Variants in CLIC4 observed in about 807,000 individuals in gnomAD.
The protein encoded by CLIC4 is chloride intracellular channel protein 4.
Under a neutral mutation model 24.6 loss-of-function variants are expected in CLIC4, and 13 were observed. The ratio of observed to expected loss-of-function variants is 0.53; its 90% CI spans 0.34 to 0.84. The LOEUF is 0.84. Among genes scored for constraint, CLIC4 ranks in the 40% least tolerant of loss-of-function variants. The pLI, the probability that CLIC4 is intolerant of heterozygous loss-of-function variation, is 0.01. For synonymous variants in CLIC4, 104 were observed against 111.3 expected, an observed-to-expected ratio of 0.93 and a Z score of 0.41; for missense variants, 227 against 301.7, an observed-to-expected ratio of 0.75 and a Z score of 1.83.
At chr1:24,773,691 G>C (rs922991943) in intron 1 of CLIC4, among the ~76,000 whole-genome samples, 1 of 148,940 alleles carries the variant, frequency 6.7e-6, no homozygotes, top group Non-Finnish European at 1.5e-5. Flanking sequence ...TGACCTCCTG[G>C]GCTCAAGTGA....
rs1639971116 is a variant in CLIC4 at position 24,844,301 on chromosome 1, AAAC to A, written c.*3371_*3373del. 6.6e-6 allele frequency: 1 copy of A among 152,630 alleles called. No homozygotes were observed. The allele number at this position is 152,630 out of a possible 1,614,324, so 9.5% of individuals were successfully genotyped here. ...TTCTTTTTTCCCCCCTCATGAAAAT[AAAC>A]AACAACTTGGGGTAAAAGTGTTTGA... On this transcript the variant is annotated 3_prime_UTR_variant, in exon 6 of 6. Transcript: ENST00000374379.
At chr1:24,780,650 T>C (rs1639191827) in intron 1 of CLIC4, among the ~76,000 whole-genome samples, 1 of 152,260 alleles carries the variant, frequency 6.6e-6, no homozygotes, top group African/African-American at 2.4e-5. Flanking sequence ...GTTAAATACA[T>C]GGTATAGGCT....
chr1:24,748,617 T>C (rs906416195), intron 1 of CLIC4, among the ~76,000 whole-genome samples: 1 of 150,470 alleles, frequency 6.6e-6, no homozygotes, highest in East Asian at 2.0e-4. Context: ...TTGAAGTGAT[T>C]CTTCTGCCTT....
chr1:24,778,956 G>A (rs1268034447), intron 1 of CLIC4, among the ~76,000 whole-genome samples: 1 of 152,016 alleles, frequency 6.6e-6, no homozygotes, highest in Non-Finnish European at 1.5e-5. Context: ...AATTCCATTT[G>A]TTATTTCATC....
intron 3 of CLIC4, among the ~76,000 whole-genome samples, chr1:24,817,253 T>G (rs931815279): frequency 6.6e-6 from 1 of 150,424 alleles, no homozygotes; most frequent in African/African-American, 2.5e-5. Flanking sequence ...TGAAGGAAGA[T>G]CTAGATAGAT....
chr1:24,800,360 C>G (rs1379872245), intron 2 of CLIC4, among the ~76,000 whole-genome samples: 1 of 129,874 alleles, frequency 7.7e-6, no homozygotes, highest in Non-Finnish European at 1.6e-5. Context: ...GTCAGCCCCC[C>G]ACCCGGCCAG....
intron 1 of CLIC4, among the ~76,000 whole-genome samples, chr1:24,755,218 G>C (rs543946064): frequency 6.6e-6 from 1 of 151,232 alleles, no homozygotes; most frequent in African/African-American, 2.4e-5. Context: ...TGCCCGCCTC[G>C]GCCTCCCAAA....
intron 1 of CLIC4, among the ~76,000 whole-genome samples, chr1:24,778,473 G>A (rs1639166695): frequency 6.6e-6 from 1 of 152,040 alleles, no homozygotes; most frequent in Admixed American, 6.6e-5. Context: ...ATACTTATAG[G>A]GAATATAATC....
intron 1 of CLIC4, among the ~76,000 whole-genome samples, chr1:24,786,020 A>G (rs1236542651): frequency 6.6e-6 from 1 of 152,204 alleles, no homozygotes; most frequent in Admixed American, 6.5e-5. Context: ...AGATGAATTC[A>G]TACTAAAGGT....
At chr1:24,773,874 C>A (rs1639101087) in intron 1 of CLIC4, among the ~76,000 whole-genome samples, 1 of 151,996 alleles carries the variant, frequency 6.6e-6, no homozygotes, top group Non-Finnish European at 1.5e-5. Flanking sequence ...GTTGGGATTA[C>A]AGGTGTGAGC....
intron 2 of CLIC4, 79 bp downstream of exon 2, chr1:24,797,930 C>T (rs1236062223): frequency 5.4e-6 from 5 of 924,676 alleles, no homozygotes; most frequent in African/African-American, 1.7e-5. Flanking sequence ...CTTGATGGCA[C>T]ATATTCTCTA....
intron 1 of CLIC4, among the ~76,000 whole-genome samples, chr1:24,762,454 A>G (rs1183955407): frequency 1.3e-5 from 2 of 152,256 alleles, no homozygotes; most frequent in Admixed American, 1.3e-4. Context: ...CATTGTGTGG[A>G]TGAGTAAAGA....
At chr1:24,824,003 G>A (rs1273355104) in intron 3 of CLIC4, among the ~76,000 whole-genome samples, 4 of 152,114 alleles carry the variant, frequency 2.6e-5, no homozygotes, top group African/African-American at 7.2e-5. Context: ...TTGACACTTA[G>A]CCTTTTATTA....
chr1:24,775,033 T>C (rs983143535), intron 1 of CLIC4, among the ~76,000 whole-genome samples: 18 of 151,348 alleles, frequency 1.2e-4, no homozygotes, highest in African/African-American at 3.9e-4. Context: ...ATCACACCAC[T>C]GTATTCCAGC....
At chr1:24,787,747 G>A (rs908131636) in intron 1 of CLIC4, among the ~76,000 whole-genome samples, 6 of 148,390 alleles carry the variant, frequency 4.0e-5, no homozygotes, top group African/African-American at 1.2e-4. Flanking sequence ...GGGTTTCACC[G>A]TGTTAGCCAG....
In CLIC4 at chr1:24,839,883, A is replaced by AC; in HGVS notation, c.442dup (p.Leu148ProfsTer6). 6.2e-7 allele frequency: 1 copy of AC among 1,611,900 alleles called. No homozygotes were observed. The highest frequency in any genetic ancestry group is 8.5e-7 in the Non-Finnish European group (1 of 1,179,824). ...AGCACTGGAGAGGGGTCTCCTGAAA[A>AC]CCCTGCAGAAACTGGATGAATATCT... On this transcript the variant is annotated frameshift_variant, in exon 5 of 6. Transcript: ENST00000374379. LOFTEE classifies it high-confidence loss of function.
chr1:24,768,892 C>T (rs1395162996), intron 1 of CLIC4, among the ~76,000 whole-genome samples: 1 of 135,396 alleles, frequency 7.4e-6, no homozygotes, highest in Non-Finnish European at 1.6e-5. Flanking sequence ...CAGAGTGAGA[C>T]TCTGCCTCAC....
chr1:24,788,849 C>T (rs1467959949), intron 1 of CLIC4, among the ~76,000 whole-genome samples: 1 of 152,210 alleles, frequency 6.6e-6, no homozygotes, highest in Non-Finnish European at 1.5e-5. Context: ...AATCCTGCTG[C>T]CTCTTGCCTG....
chr1:24,779,286 A>G (rs1369891869), intron 1 of CLIC4, among the ~76,000 whole-genome samples: 2 of 152,060 alleles, frequency 1.3e-5, no homozygotes, highest in African/African-American at 4.8e-5. Context: ...CCTGGGCAAC[A>G]TAGTGAAACT....
Sources: allele counts gnomAD v4.1 joint callset (sites outside exome capture counted in the v4.1 genomes callset), GRCh38; gene constraint gnomAD v4.1.1; transcripts MANE v1.5; gene names NCBI Gene and HGNC (gene_info 2026-07-23, HGNC 2026-07-21).